RSPH3: variants seen among roughly 807,000 people sequenced by gnomAD.
RSPH3 encodes the protein radial spoke head 3.
In RSPH3, 21 loss-of-function variants were observed where a neutral mutation model predicts 43.8. The observed-to-expected ratio is 0.48, with a 90% CI of 0.34 to 0.69. The LOEUF is 0.69. RSPH3 is among the 30% of genes least tolerant of loss of function. The pLI, the probability that RSPH3 is intolerant of heterozygous loss-of-function variation, is 0.01. For missense variants in RSPH3, 487 were observed against 516.0 expected (o/e 0.94, Z 0.54); for synonymous variants, 173 against 179.8 (o/e 0.96, Z 0.30).
chr6:158,982,760 T>A, intron 4 of RSPH3, 72 bp from the exon 5 acceptor site: 238 of 624,950 alleles, frequency 3.8e-4, no homozygotes, highest in Non-Finnish European at 6.3e-4. Context: ...ATATAATGAA[T>A]AGCAATAACA....
At chr6:158,971,398 A>G (rs1317438081), downstream of RSPH3, among the ~76,000 whole-genome samples, 2 of 152,210 alleles carry the variant, frequency 1.3e-5, no homozygotes, top group Non-Finnish European at 2.9e-5. Context: ...TTATGGAGGA[A>G]CAGATTTTCA....
the RSPH3 span, among the ~76,000 whole-genome samples, chr6:158,964,203 C>T: frequency 6.6e-6 from 1 of 152,254 alleles, no homozygotes; most frequent in South Asian, 2.1e-4. Context: ...TCTCACACCA[C>T]CCTCTCCTCT....
At chr6:158,972,381 A>C (rs1777703185), downstream of RSPH3, among the ~76,000 whole-genome samples, 1 of 152,224 alleles carries the variant, frequency 6.6e-6, no homozygotes, top group Non-Finnish European at 1.5e-5. Flanking sequence ...GTCCACTCTA[A>C]AATGAACATT....
chr6:158,992,829 T>A (rs1778461993), intron 2 of RSPH3, among the ~76,000 whole-genome samples: 1 of 152,198 alleles, frequency 6.6e-6, no homozygotes. Context: ...CATGTCTTAC[T>A]CATCTCTGTA....
rs996516427 is a variant in RSPH3, at chr6:158,998,801, C to T, written c.116+634G>A. Among the ~76,000 whole-genome samples, 6 of 149,996 alleles carry T rather than the reference C, an allele frequency of 4.0e-5. No individual in the cohort carries two copies. In the East Asian group the frequency reaches 1.2e-3, roughly 30 times the overall value. On this transcript the variant is annotated intron_variant, in intron 1 of 7. Transcript: ENST00000367069. ...ATCGGGGAGGAGTGGGGGAGGGGGG[C>T]GGAGGTTGCAGTGAGCGGAGATCGC...
At chr6:158,984,088 C>T (rs972536566) in intron 3 of RSPH3, among the ~76,000 whole-genome samples, 8 of 151,838 alleles carry the variant, frequency 5.3e-5, no homozygotes, top group East Asian at 1.9e-4. Context: ...GAGCCAATAT[C>T]GTGTCACTGT....
chr6:158,993,796 A>C (rs1177978258), intron 2 of RSPH3, 43 bp downstream of exon 2: 1 of 1,057,240 alleles, frequency 9.5e-7, no homozygotes, highest in Non-Finnish European at 1.4e-6. Context: ...TTCCCCATAG[A>C]TAATGTGAGA....
chr6:158,994,577 G>A (rs530428150), intron 1 of RSPH3, among the ~76,000 whole-genome samples: 2 of 152,256 alleles, frequency 1.3e-5, no homozygotes, highest in South Asian at 4.1e-4. Context: ...TTTCAGCCCA[G>A]GAGGCAGAGG....
In RSPH3 at chr6:158,999,559, G is replaced by T; in HGVS notation, c.-9C>A. ...GTCAGCGCTGAGGCCATGTCCGGGG[G>T]CTGACTGCCTCGCTTTCGGTGGAGC... On this transcript the variant is annotated 5_prime_UTR_variant, in exon 1 of 8. Coordinates refer to ENST00000367069, the MANE Select transcript of RSPH3 (RefSeq NM_031924.8). 3.7e-6 allele frequency: 6 copies of T among 1,606,568 alleles called. No homozygotes were observed. The highest frequency in any genetic ancestry group is 4.3e-6 in the Non-Finnish European group (5 of 1,174,716).
chr6:159,000,082 C>T lies in RSPH3; in HGVS notation c.-532G>A. 1 of 1,198,090 alleles carries T rather than the reference C, an allele frequency of 8.3e-7. No homozygotes were observed. The highest frequency in any genetic ancestry group is 1.1e-6 in the Non-Finnish European group (1 of 873,752). 74.2% of individuals were successfully genotyped at this position (1,198,090 alleles called of 1,614,324 possible). On this transcript the variant is annotated 5_prime_UTR_variant, in exon 1 of 8. Transcript: ENST00000367069. ...TCTCGCAGGCCCACGTGCTCCTGCT[C>T]TTCCAGGGTGTCCTCGGCTGTTTCT...
At chr6:158,994,993 A>G (rs1312216574) in intron 1 of RSPH3, among the ~76,000 whole-genome samples, 2 of 151,846 alleles carry the variant, frequency 1.3e-5, no homozygotes, top group Admixed American at 1.3e-4. Context: ...CTGTGTTACC[A>G]CTATAATCTT....
At chr6:158,987,506 T>C (rs1778272699) in intron 2 of RSPH3, among the ~76,000 whole-genome samples, 1 of 152,220 alleles carries the variant, frequency 6.6e-6, no homozygotes, top group African/African-American at 2.4e-5. Context: ...ACCATTCTGT[T>C]GCTTATTTTC....
Position 158,999,937 on chromosome 6 carries a change from T to A in RSPH3, c.-387A>T. Reference sequence around the variant, plus strand: ...TAGGTGCGCCTGCGCTTTGCGAGGTTCCTGGCTAGGGAGGCGGCCTTGGCT... The same window carrying A: ...TAGGTGCGCCTGCGCTTTGCGAGGTACCTGGCTAGGGAGGCGGCCTTGGCT... On this transcript the variant is annotated 5_prime_UTR_variant, in exon 1 of 8. Coordinates refer to ENST00000367069, the MANE Select transcript of RSPH3 (RefSeq NM_031924.8). 1 of 1,609,976 alleles carries A rather than the reference T, an allele frequency of 6.2e-7. No homozygotes were observed. Among genetic ancestry groups the A allele is most frequent in the Non-Finnish European group, 8.5e-7 (1 of 1,178,048 alleles).
intron 7 of RSPH3, among the ~76,000 whole-genome samples, 172 bp from the exon 8 acceptor site, chr6:158,978,020 A>T (rs1777908187): frequency 6.6e-6 from 1 of 152,202 alleles, no homozygotes; most frequent in Non-Finnish European, 1.5e-5. Flanking sequence ...CATTAAATAT[A>T]AAATATATTC....
At chr6:158,998,098 A>G (rs1186314787) in intron 1 of RSPH3, among the ~76,000 whole-genome samples, 1 of 146,506 alleles carries the variant, frequency 6.8e-6, no homozygotes, top group Non-Finnish European at 1.5e-5. Context: ...TGAATTCAAC[A>G]TTTGAGGCTT....
chr6:158,964,098 T>A, the RSPH3 span, among the ~76,000 whole-genome samples: 1 of 152,216 alleles, frequency 6.6e-6, no homozygotes. Context: ...CCAAGACTTT[T>A]GGGTTCCACA....
chr6:158,966,273 T>C, the RSPH3 span, among the ~76,000 whole-genome samples: 4 of 152,298 alleles, frequency 2.6e-5, no homozygotes, highest in South Asian at 6.2e-4. Flanking sequence ...TTTATATATT[T>C]AAAGGATATT....
intron 2 of RSPH3, among the ~76,000 whole-genome samples, chr6:158,992,457 GTTTTTT>G (rs35383020): frequency 2.3e-5 from 3 of 127,906 alleles, no homozygotes; most frequent in African/African-American, 8.7e-5. Context: ...TTTTTGTGGG[GTTTTTT>G]TTTTTTTTTT....
At chr6:158,981,044 C>T (rs1408201879) in intron 5 of RSPH3, 108 bp from the exon 6 acceptor site, 10 of 1,031,306 alleles carry the variant, frequency 9.7e-6, no homozygotes, top group East Asian at 4.8e-5. Flanking sequence ...AAATGGACAG[C>T]GAGGTGTCTA....
Sources: gnomAD v4.1 joint callset for allele counts (sites outside exome capture counted in the v4.1 genomes callset) on GRCh38, gnomAD v4.1.1 for gene constraint, MANE v1.5 for transcripts, NCBI Gene and HGNC (gene_info 2026-07-23, HGNC 2026-07-21) for gene names.